Variants in STON1 observed in about 807,000 individuals in gnomAD.
The protein encoded by STON1 is stonin-1.
Under a neutral mutation model 60.9 loss-of-function variants are expected in STON1, and 79 were observed. The observed-to-expected ratio is 1.30, with a 90% CI of 1.08 to 1.56. The LOEUF (loss-of-function observed/expected upper bound fraction) is 1.56. STON1 is among the 40% of genes most tolerant of loss of function. The pLI is 0.00. For missense variants in STON1, 1,166 were observed against 858.9 expected (o/e 1.36, Z -4.47); for synonymous variants, 363 against 306.9 (o/e 1.18, Z -1.91).
At chr2:48,590,686 G>T (rs114355445) in intron 2 of STON1, among the ~76,000 whole-genome samples, 1,082 of 97,330 alleles carry the variant, frequency 0.011, 16 homozygotes, top group African/African-American at 0.04. Flanking sequence ...TAAAATCTTT[G>T]AAATATATCC....
intron 2 of STON1, among the ~76,000 whole-genome samples, chr2:48,583,620 T>G (rs891578455): frequency 6.6e-6 from 1 of 151,416 alleles, no homozygotes; most frequent in African/African-American, 2.4e-5. Flanking sequence ...TTGTTGGTTT[T>G]TTTTTTTTTT....
At chr2:48,555,235 T>C (rs1283378976) in intron 1 of STON1, among the ~76,000 whole-genome samples, 1 of 107,580 alleles carries the variant, frequency 9.3e-6, no homozygotes, top group African/African-American at 3.5e-5. Flanking sequence ...CTCAATGAGC[T>C]GTTGGGCACA....
intron 1 of STON1, among the ~76,000 whole-genome samples, chr2:48,579,730 G>A (rs1020784850): frequency 6.6e-6 from 1 of 152,152 alleles, no homozygotes; most frequent in Non-Finnish European, 1.5e-5. Flanking sequence ...TGGCAGTTTA[G>A]TTGAGTTTAT....
At chr2:48,555,503 A>ACC (rs542108792) in intron 1 of STON1, among the ~76,000 whole-genome samples, 1 of 63,938 alleles carries the variant, frequency 1.6e-5, no homozygotes, top group Non-Finnish European at 3.0e-5. Context: ...TGGGGGGCTG[A>ACC]CCCCCCCACC....
chr2:48,551,271 A>G (rs1278177057), intron 1 of STON1, among the ~76,000 whole-genome samples: 2 of 152,130 alleles, frequency 1.3e-5, no homozygotes, highest in Admixed American at 6.5e-5. Context: ...TAAATTTGTT[A>G]TGGGTGAGAG....
At chr2:48,565,768 CG>C (rs1417873399) in intron 1 of STON1, among the ~76,000 whole-genome samples, 1 of 152,090 alleles carries the variant, frequency 6.6e-6, no homozygotes, top group Non-Finnish European at 1.5e-5. Flanking sequence ...TAACATATAT[CG>C]AGTACATTTA....
intron 2 of STON1, among the ~76,000 whole-genome samples, chr2:48,588,201 C>A (rs1042639236): frequency 6.6e-6 from 1 of 152,130 alleles, no homozygotes; most frequent in Non-Finnish European, 1.5e-5. Context: ...ATGCATCTGG[C>A]CCAAGGAATA....
At position 48,587,669 on chromosome 2, in the gene STON1, C is replaced by T. The variant is rs568936118; in HGVS notation, c.1931-3984C>T. ...ACATTTCCAGGGAAACTGGCTGGAC[C>T]TGATCTTGGCCTTCAGGAATTCTTT... On this transcript the variant is annotated intron_variant, in intron 2 of 3. Transcript: ENST00000404752. Among the ~76,000 whole-genome samples the T allele has an allele frequency of 6.6e-5, 10 of 152,308 alleles. No homozygotes were observed. The South Asian group carries it at 2.1e-3, about 32-fold the overall frequency.
At chr2:48,559,816 G>A (rs1169309307) in intron 1 of STON1, among the ~76,000 whole-genome samples, 1 of 152,152 alleles carries the variant, frequency 6.6e-6, no homozygotes, top group African/African-American at 2.4e-5. Context: ...TTTGCTGAAT[G>A]AATAAGCAGG....
At chr2:48,569,133 AATG>A (rs1344820382) in intron 1 of STON1, 1 of 152,228 alleles carries the variant, frequency 6.6e-6, no homozygotes, top group Non-Finnish European at 1.5e-5. Flanking sequence ...TCTACCAAAT[AATG>A]ATAATATTAC....
intron 1 of STON1, among the ~76,000 whole-genome samples, chr2:48,550,991 T>G (rs923421735): frequency 1.3e-5 from 2 of 151,774 alleles, no homozygotes; most frequent in Non-Finnish European, 2.9e-5. Flanking sequence ...TTGTAACTAT[T>G]TTTTCTTTCT....
chr2:48,554,770 A>G (rs370250863), intron 1 of STON1, among the ~76,000 whole-genome samples: 1 of 102,618 alleles, frequency 9.7e-6, no homozygotes, highest in Non-Finnish European at 2.0e-5. Context: ...GGTGTTTCTC[A>G]CAGAGGGGGA....
At chr2:48,578,238 A>C (rs1051076858) in intron 1 of STON1, among the ~76,000 whole-genome samples, 2 of 152,112 alleles carry the variant, frequency 1.3e-5, no homozygotes, top group African/African-American at 2.4e-5. Flanking sequence ...TGGCCTCCCA[A>C]AGTTGTTGGG....
intron 1 of STON1, among the ~76,000 whole-genome samples, chr2:48,552,186 ATGTAAGCTTC>A (rs1339255212): frequency 1.3e-5 from 2 of 152,266 alleles, no homozygotes; most frequent in African/African-American, 4.8e-5. Context: ...TGAAATATTG[ATGTAAGCTTC>A]TGTATGGATG....
intron 2 of STON1, among the ~76,000 whole-genome samples, chr2:48,584,818 C>T (rs575801588): frequency 4.0e-4 from 61 of 152,106 alleles, no homozygotes; most frequent in Non-Finnish European, 8.1e-4. Flanking sequence ...GCAGCACTGC[C>T]CGTACCCTGG....
At position 48,571,102 on chromosome 2, in the gene STON1, C is replaced by T. The variant is rs71407512; in HGVS notation, c.-47-9485C>T. ...AACTCCTGGCCTCCAGTGATCTGCC[C>T]GCCTTGGCCTTCCAAAGTGCTGGGA... On this transcript the variant is annotated intron_variant, in intron 1 of 3. Coordinates refer to ENST00000404752, the MANE Select transcript of STON1 (RefSeq NM_006873.4). Among the ~76,000 whole-genome samples, 1,413 of 152,166 alleles carry T rather than the reference C, an allele frequency of 9.3e-3. 27 individuals carry two copies. The highest frequency in any genetic ancestry group is 0.031 in the African/African-American group (1,300 of 41,516).
chr2:48,592,244 A>G (rs1674563443), intron 3 of STON1, among the ~76,000 whole-genome samples: 2 of 152,170 alleles, frequency 1.3e-5, no homozygotes. Flanking sequence ...AATGTTAAAT[A>G]AAGGCTCCCA....
intron 1 of STON1, among the ~76,000 whole-genome samples, chr2:48,553,643 A>G (rs1192279909): frequency 2.6e-5 from 4 of 151,986 alleles, no homozygotes; most frequent in African/African-American, 4.8e-5. Flanking sequence ...ACATGCCACC[A>G]TGCCTGGCTA....
rs184217427 is a variant in STON1 at position 48,568,852 on chromosome 2, T to A, written c.-47-11735T>A. Among the ~76,000 whole-genome samples the A allele has an allele frequency of 2.2e-3, 332 of 152,268 alleles. 2 individuals carry two copies. The highest frequency in any genetic ancestry group is 2.5e-3 in the Non-Finnish European group (171 of 68,016). ...GGCTTGCTGGAGAAATAGGCTCTTC[T>A]CACGTGAGAACAGCATCCTTCCAAT... On this transcript the variant is annotated intron_variant, in intron 1 of 3. Coordinates refer to ENST00000404752, the MANE Select transcript of STON1 (RefSeq NM_006873.4).
Sources: gnomAD v4.1 joint callset for allele counts (sites outside exome capture counted in the v4.1 genomes callset) on GRCh38, gnomAD v4.1.1 for gene constraint, MANE v1.5 for transcripts, NCBI Gene and HGNC (gene_info 2026-07-23, HGNC 2026-07-21) for gene names.